The following SVEP1 variants were observed in gnomAD, a reference collection of about 807,000 sequenced individuals.
The protein encoded by SVEP1 is sushi, von Willebrand factor type A, EGF and pentraxin domain containing 1, also known as sushi, von Willebrand factor type A, EGF and pentraxin domain-containing protein 1.
In SVEP1, 164 loss-of-function variants were observed where a neutral mutation model predicts 367.3. The observed-to-expected ratio is 0.45, with a 90% CI of 0.39 to 0.51. The LOEUF (loss-of-function observed/expected upper bound fraction) is 0.51. Among genes scored for constraint, SVEP1 ranks in the 20% least tolerant of loss-of-function variants. SVEP1 has a pLI of 0.00. For missense variants in SVEP1, 4,117 were observed against 4,425.3 expected (o/e 0.93, Z 1.98); for synonymous variants, 1,666 against 1,611.6 (o/e 1.03, Z -0.81).
chr9:110,379,546 T>C, intron 43 of SVEP1, 29 bp from the exon 44 acceptor site: 1 of 1,610,938 alleles, frequency 6.2e-7, no homozygotes, highest in Non-Finnish European at 8.5e-7. Context: ...ACAATTAAGC[T>C]TGTGCTATTA....
chr9:110,443,713 G>A lies in SVEP1; in HGVS notation c.4471C>T (p.Leu1491Phe). The change falls in exon 27 of 48, where the codon CTT becomes TTT. Residue 1491 changes from leucine to phenylalanine, a missense_variant. This residue lies in a region of SVEP1 where 2,174 missense variants were observed against 2,494.3 expected (regional missense o/e 0.87). Transcript: ENST00000374469. ...LLLTDYNGWVLYVNGREKITN... is the reference protein window; with the variant it reads ...LLLTDYNGWVFYVNGREKITN... ...ATCTTTTCCCTGCCATTCACATAAA[G>A]AACCCAGCTGTAGAGAGAAAGATTC... 1 of 1,601,650 alleles carries A rather than the reference G, an allele frequency of 6.2e-7. No individual in the cohort carries two copies. The highest frequency in any genetic ancestry group is 8.5e-7 in the Non-Finnish European group (1 of 1,173,478).
chr9:110,491,619 A>ATGTGTGTGTGGG (rs1564157984), intron 8 of SVEP1, among the ~76,000 whole-genome samples: 15 of 112,148 alleles, frequency 1.3e-4, no homozygotes, highest in African/African-American at 5.5e-4. Context: ...GTGTGTGTGC[A>ATGTGTGTGTGGG]AATTTATCTG....
chr9:110,541,899 C>G (rs558197974), intron 3 of SVEP1, among the ~76,000 whole-genome samples: 6 of 145,280 alleles, frequency 4.1e-5, no homozygotes, highest in Non-Finnish European at 7.5e-5. Flanking sequence ...ACATAGATAT[C>G]TATATATATC....
chr9:110,544,905 T>C (rs1460822064), intron 3 of SVEP1, among the ~76,000 whole-genome samples: 10 of 152,162 alleles, frequency 6.6e-5, no homozygotes, highest in Non-Finnish European at 7.3e-5. Context: ...GTTACCCAAC[T>C]TCTCTTCATC....
rs139433725 is a variant in SVEP1, at chr9:110,378,167, T to C, written c.10409-801A>G. On this transcript the variant is annotated intron_variant, in intron 44 of 47. Coordinates refer to ENST00000374469, the MANE Select transcript of SVEP1 (RefSeq NM_153366.4). ...CTATCAACATACATTTTTTTATCCATTTATCTGTCAACAGACATTTATGTT... is the reference window on the plus strand; with the variant it reads ...CTATCAACATACATTTTTTTATCCACTTATCTGTCAACAGACATTTATGTT... Among the ~76,000 whole-genome samples, 345 of 152,326 alleles carry C rather than the reference T, an allele frequency of 2.3e-3. 2 individuals carry two copies. Among genetic ancestry groups the C allele is most frequent in the African/African-American group, 7.8e-3 (323 of 41,590 alleles).
At position 110,579,220 on chromosome 9, in the gene SVEP1, C is replaced by T; in HGVS notation, c.324G>A (p.Lys108=). 6.4e-7 allele frequency: 1 copy of T among 1,570,526 alleles called. No individual in the cohort carries two copies. Among genetic ancestry groups the T allele is most frequent in the Non-Finnish European group, 8.6e-7 (1 of 1,158,604 alleles). ...GCACCACGGGGAAGTCGGACAGCAG[C>T]TTGCGGACGAACATGAGCTCGCTGC... ...NFRSELMFVR[K]LLSDFPVVPT... The change falls in exon 1 of 48, where the codon AAG becomes AAA. Residue 108 remains lysine (K), a synonymous_variant. Coordinates refer to ENST00000374469, the MANE Select transcript of SVEP1 (RefSeq NM_153366.4). This position sits in a 1 kb window ranked among gnomAD's most constrained non-coding sequence, Gnocchi z 5.3.
chr9:110,373,634 G>GTTTTTTTTTTTTTTTTTTTTTTTTTTTT (rs1827309311), intron 46 of SVEP1, among the ~76,000 whole-genome samples: 1 of 145,604 alleles, frequency 6.9e-6, no homozygotes, highest in African/African-American at 2.8e-5. Context: ...TATGTTTTAA[G>GTTTTTTTTTTTTTTTTTTTTTTTTTTTT]TGGTGGCTTA....
At chr9:110,472,902 C>T (rs919486868) in intron 14 of SVEP1, among the ~76,000 whole-genome samples, 2 of 152,162 alleles carry the variant, frequency 1.3e-5, no homozygotes, top group East Asian at 3.8e-4. Flanking sequence ...CTTGATATCA[C>T]TGTGATTAAC....
intron 5 of SVEP1, among the ~76,000 whole-genome samples, chr9:110,504,190 G>A (rs1029803722): frequency 1.3e-5 from 2 of 150,450 alleles, no homozygotes; most frequent in Non-Finnish European, 3.0e-5. Flanking sequence ...GAGTAGCTGG[G>A]ACTACAGGCG....
chr9:110,482,296 G>C (rs956251426), intron 11 of SVEP1, 65 bp downstream of exon 11: 1 of 1,508,258 alleles, frequency 6.6e-7, no homozygotes, highest in Non-Finnish European at 8.9e-7. Context: ...TCATAAAACA[G>C]AGCACTATAG....
At chr9:110,377,470 G>T in intron 44 of SVEP1, 104 bp from the exon 45 acceptor site, 1 of 1,050,230 alleles carries the variant, frequency 9.5e-7, no homozygotes, top group Non-Finnish European at 1.4e-6. Flanking sequence ...CTTGAGTCAA[G>T]CTTTCAGGAA....
intron 17 of SVEP1, among the ~76,000 whole-genome samples, chr9:110,467,385 C>T (rs149429496): frequency 6.6e-6 from 1 of 152,136 alleles, no homozygotes; most frequent in East Asian, 1.9e-4. Flanking sequence ...AGACTTCTTT[C>T]CATTAATTGA....
intron 40 of SVEP1, among the ~76,000 whole-genome samples, chr9:110,393,564 C>A (rs1564128800): frequency 6.6e-6 from 1 of 152,174 alleles, no homozygotes; most frequent in Non-Finnish European, 1.5e-5. Flanking sequence ...TGAGGCATCG[C>A]CTCACCCGGG....
At chr9:110,390,325 TTATATATACACATACTTATATACACTTA>T (rs1198738987) in intron 40 of SVEP1, among the ~76,000 whole-genome samples, 1 of 58,052 alleles carries the variant, frequency 1.7e-5, no homozygotes, top group East Asian at 3.0e-4. Flanking sequence ...GTATATATAC[TTATATATACACATACTTATATACACTTA>T]TATATATATA....
intron 15 of SVEP1, among the ~76,000 whole-genome samples, 197 bp from the exon 16 acceptor site, chr9:110,471,794 G>C (rs1829021726): frequency 6.6e-6 from 1 of 152,140 alleles, no homozygotes; most frequent in African/African-American, 2.4e-5. Flanking sequence ...ATTAAGTTAA[G>C]TACATGGATA....
At chr9:110,547,907 T>C (rs1377955548) in intron 2 of SVEP1, among the ~76,000 whole-genome samples, 1 of 152,156 alleles carries the variant, frequency 6.6e-6, no homozygotes, top group Non-Finnish European at 1.5e-5. Context: ...ATTAGTTTAG[T>C]GTAATAAATG....
In SVEP1 at chr9:110,508,748, G is replaced by A. The variant is rs549819359; in HGVS notation, c.1303+4178C>T. On this transcript the variant is annotated intron_variant, in intron 5 of 47. Coordinates refer to ENST00000374469, the MANE Select transcript of SVEP1 (RefSeq NM_153366.4). ...TGCACTCCAGCCTAGGTAACAGAGC[G>A]AGACTCCATCTCAAAAAAAAAAAAA... Among the ~76,000 whole-genome samples the A allele has an allele frequency of 2.3e-3, 264 of 114,736 alleles. 3 individuals carry two copies. The highest frequency in any genetic ancestry group is 8.5e-3 in the African/African-American group (246 of 29,014). The allele number at this position is 114,736 out of a possible 152,430, so 75.3% of individuals were successfully genotyped here.
At chr9:110,523,048 C>T (rs1016088035) in intron 3 of SVEP1, among the ~76,000 whole-genome samples, 1 of 152,132 alleles carries the variant, frequency 6.6e-6, no homozygotes, top group Non-Finnish European at 1.5e-5. Flanking sequence ...GATCTTCAAT[C>T]GCTCACTATT....
Position 110,401,022 on chromosome 9 carries a change from T to A in SVEP1, c.9667-13A>T, listed in dbSNP as rs74559787. 428 of 1,612,286 alleles carry A rather than the reference T, an allele frequency of 2.7e-4. No homozygotes were observed. Among genetic ancestry groups the A allele is most frequent in the Non-Finnish European group, 3.5e-4 (418 of 1,179,474 alleles). ...AGGTTCCATCAAGCTAAGTGACAAA[T>A]AACAAAATGTAAGTTATGTTTAGAA... On this transcript the variant is annotated splice_polypyrimidine_tract_variant and intron_variant, in intron 39 of 47. Coordinates refer to ENST00000374469, the MANE Select transcript of SVEP1 (RefSeq NM_153366.4).
Sources: allele counts gnomAD v4.1 joint callset (sites outside exome capture counted in the v4.1 genomes callset), GRCh38; gene constraint gnomAD v4.1.1; regional missense constraint gnomAD v4.1.1; non-coding constraint Gnocchi (gnomAD v3.1); transcripts MANE v1.5; gene names NCBI Gene and HGNC (gene_info 2026-07-23, HGNC 2026-07-21).